The following SAFB variants were observed in gnomAD, a reference collection of about 807,000 sequenced individuals.
SAFB encodes the protein scaffold attachment factor B.
Under a neutral mutation model 101.6 loss-of-function variants are expected in SAFB, and 15 were observed. The observed-to-expected ratio is 0.15, with a 90% CI of 0.10 to 0.23. SAFB has a LOEUF of 0.23. SAFB is among the 10% of genes least tolerant of loss of function. SAFB has a pLI of 1.00. For missense variants in SAFB, 930 were observed against 1,104.1 expected (o/e 0.84, Z 2.23); for synonymous variants, 449 against 407.5 (o/e 1.10, Z -1.23).
rs376208567 is a variant in SAFB at position 5,649,991 on chromosome 19, G to A, written c.1198+16G>A. On this transcript the variant is annotated intron_variant, in intron 8 of 20. Transcript: ENST00000588852. ...GAGGAAAAGGGTAGGTCACCTCGGC[G>A]ACACCAGTCCCTTGGAGCATGTATG... 3.9e-5 allele frequency: 63 copies of A among 1,607,226 alleles called. No individual in the cohort carries two copies. Among genetic ancestry groups the A allele is most frequent in the Non-Finnish European group, 5.0e-5 (59 of 1,173,880 alleles).
At chr19:5,651,198 G>A in intron 9 of SAFB, 126 bp downstream of exon 9, 3 of 592,778 alleles carry the variant, frequency 5.1e-6, no homozygotes, top group East Asian at 3.0e-5. Context: ...GCTAATGGCT[G>A]GGGAGGGTCT....
chr19:5,648,219 C>T (rs892952147), intron 6 of SAFB, 176 bp downstream of exon 6: 11 of 586,770 alleles, frequency 1.9e-5, no homozygotes, highest in Non-Finnish European at 3.3e-5. Flanking sequence ...GCCATATCAC[C>T]AGATCTGTGA....
intron 2 of SAFB, among the ~76,000 whole-genome samples, chr19:5,627,976 C>T (rs551532068): frequency 4.6e-5 from 7 of 152,252 alleles, no homozygotes; most frequent in South Asian, 2.1e-4. Context: ...TGAGGCAGGG[C>T]GCCGTGGCTC....
intron 2 of SAFB, among the ~76,000 whole-genome samples, chr19:5,629,281 A>G (rs925866605): frequency 1.3e-5 from 2 of 152,162 alleles, no homozygotes; most frequent in Admixed American, 6.6e-5. Flanking sequence ...ATAAAAGTCA[A>G]TGAGCTGGGC....
At chr19:5,644,392 C>A (rs1414779659) in intron 4 of SAFB, among the ~76,000 whole-genome samples, 1 of 152,222 alleles carries the variant, frequency 6.6e-6, no homozygotes, top group Admixed American at 6.5e-5. Flanking sequence ...CTCAAACAAT[C>A]TCCAAAAGAG....
At chr19:5,663,244 AC>A (rs1323866298) in intron 15 of SAFB, among the ~76,000 whole-genome samples, 1 of 151,980 alleles carries the variant, frequency 6.6e-6, no homozygotes, top group Non-Finnish European at 1.5e-5. Context: ...CAGGTGATCC[AC>A]CCACCTTGGC....
chr19:5,658,885 G>A (rs1286009302), intron 14 of SAFB, among the ~76,000 whole-genome samples: 3 of 151,136 alleles, frequency 2.0e-5, no homozygotes, highest in African/African-American at 7.3e-5. Context: ...GGTGGCTCAC[G>A]CCTGTAATCC....
chr19:5,635,932 T>C (rs1192627690), intron 2 of SAFB, among the ~76,000 whole-genome samples: 1 of 152,150 alleles, frequency 6.6e-6, no homozygotes, highest in Admixed American at 6.5e-5. Flanking sequence ...CATTCATTTT[T>C]GGTTTTTTTA....
At chr19:5,628,275 G>A (rs2053413110) in intron 2 of SAFB, among the ~76,000 whole-genome samples, 1 of 152,078 alleles carries the variant, frequency 6.6e-6, no homozygotes, top group Admixed American at 6.6e-5. Context: ...AGCTGAAGCT[G>A]GGCTTGTAGA....
At chr19:5,662,861 C>CA (rs1223256974) in intron 15 of SAFB, among the ~76,000 whole-genome samples, 1 of 151,712 alleles carries the variant, frequency 6.6e-6, no homozygotes, top group Non-Finnish European at 1.5e-5. Context: ...AGGCTGATCT[C>CA]AAACTCCTGA....
chr19:5,652,447 G>C (rs1359545109), intron 9 of SAFB, among the ~76,000 whole-genome samples: 3 of 152,172 alleles, frequency 2.0e-5, no homozygotes, highest in Non-Finnish European at 4.4e-5. Flanking sequence ...GGGCCTCTCT[G>C]AGAATGTCCT....
At chr19:5,624,186 G>A (rs2145381114) in intron 1 of SAFB, 1 of 150,896 alleles carries the variant, frequency 6.6e-6, no homozygotes, top group African/African-American at 2.4e-5. Flanking sequence ...CTTGGGCATA[G>A]GAGACCTTGA....
At position 5,641,940 on chromosome 19, in the gene SAFB, A is replaced by G; in HGVS notation, c.540A>G (p.Glu180=). 1.2e-6 allele frequency: 2 copies of G among 1,613,784 alleles called. No individual in the cohort carries two copies. The highest frequency in any genetic ancestry group is 1.7e-6 in the Non-Finnish European group (2 of 1,179,698). Residue 180 remains glutamate, a synonymous_variant, in exon 4 of 21, where the codon GAA becomes GAG. Transcript: ENST00000588852. The part of the protein sequence containing the change: ...EMKELPEQLQ[E]HAIEDKETIN... Reference sequence around the variant, plus strand: ...AAGAGCTTCCGGAGCAGCTTCAGGAACATGCTGTAGGTAACCGGCAATGTC... The same window carrying G: ...AAGAGCTTCCGGAGCAGCTTCAGGAGCATGCTGTAGGTAACCGGCAATGTC...
chr19:5,661,934 G>C (rs144191205), intron 15 of SAFB, 126 bp downstream of exon 15: 18,291 of 732,062 alleles, frequency 0.025, 314 homozygotes, highest in Middle Eastern at 0.052. Flanking sequence ...GCGGAGGCTG[G>C]AGTGCAGTGA....
chr19:5,631,747 T>G (rs549372852), intron 2 of SAFB, among the ~76,000 whole-genome samples: 1 of 152,244 alleles, frequency 6.6e-6, no homozygotes, highest in Admixed American at 6.5e-5. Flanking sequence ...TAGCAGACTC[T>G]CAAAATAATT....
chr19:5,661,689 C>G lies in SAFB; in HGVS notation c.2034C>G (p.His678Gln), dbSNP rs1346620807. Residue 678 changes from histidine to glutamine, a missense_variant, in exon 15 of 21, where the codon CAC becomes CAG. Coordinates refer to ENST00000588852, the MANE Select transcript of SAFB (RefSeq NM_001201338.2). ...AGCGCGAACGCATGCACGTGGAGCA[C>G]GAGCGCAGGCGCGAGCAGGAGCGCA... ...RLERERMHVE[H>Q]ERRREQERIH... 9 of 1,607,934 alleles carry G rather than the reference C, an allele frequency of 5.6e-6. No homozygotes were observed. In the Admixed American group the frequency reaches 1.0e-4, roughly 18 times the overall value.
intron 8 of SAFB, 31 bp downstream of exon 8, chr19:5,650,006 G>A: frequency 1.3e-6 from 2 of 1,568,804 alleles, no homozygotes; most frequent in Non-Finnish European, 1.8e-6. Context: ...CAGTCCCTTG[G>A]AGCATGTATG....
intron 14 of SAFB, among the ~76,000 whole-genome samples, chr19:5,659,141 C>CAA (rs772619826): frequency 1.4e-4 from 18 of 130,304 alleles, no homozygotes; most frequent in Non-Finnish European, 2.8e-4. Flanking sequence ...GACTCCGTCT[C>CAA]AAAAAAAAAA....
intron 2 of SAFB, among the ~76,000 whole-genome samples, chr19:5,627,779 A>G (rs1204182090): frequency 1.3e-5 from 2 of 151,082 alleles, no homozygotes; most frequent in African/African-American, 2.4e-5. Context: ...ACCAATAGCA[A>G]CTCGTCTCCT....
Sources: gnomAD v4.1 joint callset for allele counts (sites outside exome capture counted in the v4.1 genomes callset) on GRCh38, gnomAD v4.1.1 for gene constraint, MANE v1.5 for transcripts, NCBI Gene and HGNC (gene_info 2026-07-23, HGNC 2026-07-21) for gene names.